The following SAMD5 variants were observed in gnomAD, a reference collection of about 807,000 sequenced individuals.
SAMD5 encodes the protein sterile alpha motif domain containing 5, also known as sterile alpha motif domain-containing protein 5.
Under a neutral mutation model 11.3 loss-of-function variants are expected in SAMD5, and 13 were observed. The ratio of observed to expected loss-of-function variants is 1.15; its 90% CI spans 0.75 to 1.83. The LOEUF (loss-of-function observed/expected upper bound fraction) is 1.83. Among genes scored for constraint, SAMD5 ranks in the 40% most tolerant of loss-of-function variants. SAMD5 has a pLI of 0.00. For synonymous variants in SAMD5, 129 were observed against 111.3 expected (o/e 1.16, Z -1.00); for missense variants, 255 against 239.1 (o/e 1.07, Z -0.44).
intron 1 of SAMD5, among the ~76,000 whole-genome samples, chr6:147,668,860 A>C (rs10214633): frequency 0.081 from 12,331 of 152,282 alleles, 673 homozygotes; most frequent in African/African-American, 0.15. Flanking sequence ...AGTTATATCT[A>C]TACTAGACTG....
At chr6:147,873,993 G>T in the SAMD5 span, among the ~76,000 whole-genome samples, 20 of 152,142 alleles carry the variant, frequency 1.3e-4, no homozygotes, top group Non-Finnish European at 2.6e-4. Context: ...TGTCTCTTGA[G>T]AACAAGTCAT....
the SAMD5 span, among the ~76,000 whole-genome samples, chr6:147,817,336 G>A: frequency 1.3e-5 from 2 of 152,216 alleles, no homozygotes; most frequent in South Asian, 2.1e-4. Flanking sequence ...GCTCAAGCAA[G>A]CTATTTTATA....
the SAMD5 span, among the ~76,000 whole-genome samples, chr6:147,807,780 A>G: frequency 6.6e-6 from 1 of 152,154 alleles, no homozygotes; most frequent in Non-Finnish European, 1.5e-5. Context: ...CCCAGGACTT[A>G]CCTTTTTTCA....
chr6:147,780,426 T>C, the SAMD5 span, among the ~76,000 whole-genome samples: 25 of 152,178 alleles, frequency 1.6e-4, no homozygotes, highest in African/African-American at 6.0e-4. Context: ...CAGGCTGGTC[T>C]CGAATTCCTG....
intron 1 of SAMD5, among the ~76,000 whole-genome samples, chr6:147,580,660 G>A (rs11155505): frequency 0.34 from 51,651 of 152,076 alleles, 8,906 homozygotes; most frequent in East Asian, 0.36. Flanking sequence ...AAATAGTCAT[G>A]TATGGCCAGT....
chr6:147,881,471 C>G, the SAMD5 span, among the ~76,000 whole-genome samples: 1 of 152,168 alleles, frequency 6.6e-6, no homozygotes, highest in Non-Finnish European at 1.5e-5. Flanking sequence ...CATAATACAG[C>G]ATTGGAGCAT....
chr6:147,879,230 C>A, the SAMD5 span, among the ~76,000 whole-genome samples: 5 of 152,256 alleles, frequency 3.3e-5, no homozygotes, highest in Admixed American at 6.5e-5. Context: ...GATTTCACAA[C>A]TGCTTCTGCG....
At chr6:147,751,702 C>T in the SAMD5 span, among the ~76,000 whole-genome samples, 5 of 152,168 alleles carry the variant, frequency 3.3e-5, no homozygotes, top group African/African-American at 9.7e-5. Flanking sequence ...ACTAATCACA[C>T]GATTGAGGCC....
the SAMD5 span, among the ~76,000 whole-genome samples, chr6:147,841,502 T>C: frequency 6.6e-6 from 1 of 152,222 alleles, no homozygotes; most frequent in East Asian, 1.9e-4. Context: ...CTCAGTTCTC[T>C]TTCTCCTATT....
At chr6:147,871,321 A>G in the SAMD5 span, among the ~76,000 whole-genome samples, 1 of 152,212 alleles carries the variant, frequency 6.6e-6, no homozygotes, top group South Asian at 2.1e-4. Context: ...ACTAATATCA[A>G]AAGAGATACA....
At chr6:147,794,446 T>C in the SAMD5 span, among the ~76,000 whole-genome samples, 1 of 152,164 alleles carries the variant, frequency 6.6e-6, no homozygotes, top group East Asian at 1.9e-4. Context: ...TCACTTAAAG[T>C]ACAGTATTGC....
chr6:147,683,681 A>G (rs1431011327), intron 1 of SAMD5, among the ~76,000 whole-genome samples: 1 of 152,214 alleles, frequency 6.6e-6, no homozygotes, highest in Non-Finnish European at 1.5e-5. Flanking sequence ...TATGATGACA[A>G]ATAGTACAGT....
At chr6:147,877,303 A>C in the SAMD5 span, among the ~76,000 whole-genome samples, 1 of 152,204 alleles carries the variant, frequency 6.6e-6, no homozygotes, top group Admixed American at 6.5e-5. Flanking sequence ...GCCAAAATGA[A>C]ATCCTGTAAT....
At chr6:147,596,856 G>C (rs1400621583) in intron 1 of SAMD5, among the ~76,000 whole-genome samples, 1 of 152,154 alleles carries the variant, frequency 6.6e-6, no homozygotes, top group African/African-American at 2.4e-5. Flanking sequence ...AATGCCATGT[G>C]GACCAGTTGC....
chr6:147,851,854 T>G, the SAMD5 span, among the ~76,000 whole-genome samples: 1 of 152,188 alleles, frequency 6.6e-6, no homozygotes, highest in East Asian at 1.9e-4. Context: ...AACTGCATAA[T>G]GAAAAAGAAT....
the SAMD5 span, among the ~76,000 whole-genome samples, chr6:147,859,096 G>C: frequency 6.6e-6 from 1 of 152,182 alleles, no homozygotes; most frequent in Non-Finnish European, 1.5e-5. Flanking sequence ...AAAGACCTTT[G>C]TGTTTTGGGA....
intron 1 of SAMD5, among the ~76,000 whole-genome samples, chr6:147,732,912 A>C (rs1246947831): frequency 1.3e-5 from 2 of 152,216 alleles, no homozygotes; most frequent in Non-Finnish European, 2.9e-5. Context: ...GATACACAGA[A>C]CTGGTTGTAA....
chr6:147,697,087 C>T (rs1252117608), intron 1 of SAMD5, among the ~76,000 whole-genome samples: 1 of 152,108 alleles, frequency 6.6e-6, no homozygotes, highest in Non-Finnish European at 1.5e-5. Flanking sequence ...TCTCTGAGGT[C>T]CCTTTTGGGA....
At chr6:147,709,752 C>T (rs1791371303) in intron 1 of SAMD5, among the ~76,000 whole-genome samples, 1 of 152,172 alleles carries the variant, frequency 6.6e-6, no homozygotes, top group Non-Finnish European at 1.5e-5. Context: ...CTCAGAAGTT[C>T]CTGAGGCTGT....
Sources: allele counts gnomAD v4.1 joint callset (sites outside exome capture counted in the v4.1 genomes callset), GRCh38; gene constraint gnomAD v4.1.1; transcripts MANE v1.5; gene names NCBI Gene and HGNC (gene_info 2026-07-23, HGNC 2026-07-21).